MCUB: variants seen among roughly 807,000 people sequenced by gnomAD.
The protein encoded by MCUB is calcium uniporter regulatory subunit MCUb, mitochondrial.
Under a neutral mutation model 41.4 loss-of-function variants are expected in MCUB, and 46 were observed. That is an observed-to-expected ratio of 1.11 (90% CI 0.88 to 1.42). The LOEUF is 1.42. MCUB is among the 40% of genes most tolerant of loss of function. The pLI, the probability that MCUB is intolerant of heterozygous loss-of-function variation, is 0.00. For missense variants in MCUB, 403 were observed against 404.9 expected, an observed-to-expected ratio of 1.00 and a Z score of 0.04; for synonymous variants, 148 against 148.2, an observed-to-expected ratio of 1.00 and a Z score of 0.01.
At position 109,620,911 on chromosome 4, in the gene MCUB, T is replaced by TTC. The variant is rs1209253188; in HGVS notation, c.100-38100_100-38099insTC. 2.1e-3 allele frequency among the ~76,000 whole-genome samples: 322 copies of TTC among 151,072 alleles called. 1 individual carries two copies. Among genetic ancestry groups the TTC allele is most frequent in the Non-Finnish European group, 1.9e-3 (129 of 67,656 alleles). On this transcript the variant is annotated intron_variant, in intron 1 of 7. Coordinates refer to ENST00000394650, the MANE Select transcript of MCUB (RefSeq NM_017918.5). ...CAACATTCTTCTTCTTTTTTTTTTTTCCCCCAAGATGGAGTCTCTCTCTGT... is the reference window on the plus strand; with the variant it reads ...CAACATTCTTCTTCTTTTTTTTTTTTTCCCCCCAAGATGGAGTCTCTCTCTGT...
At chr4:109,644,413 G>A (rs533696097) in intron 1 of MCUB, among the ~76,000 whole-genome samples, 32 of 152,238 alleles carry the variant, frequency 2.1e-4, no homozygotes, top group African/African-American at 7.2e-4. Context: ...TCAACTAAAG[G>A]CTGATTGCTA....
At chr4:109,637,283 A>G (rs191265279) in intron 1 of MCUB, among the ~76,000 whole-genome samples, 3 of 152,340 alleles carry the variant, frequency 2.0e-5, no homozygotes, top group Non-Finnish European at 2.9e-5. Context: ...ATAAGGGAGC[A>G]GGGAAAGATG....
chr4:109,628,028 T>G (rs946648937), intron 1 of MCUB, among the ~76,000 whole-genome samples: 2 of 151,880 alleles, frequency 1.3e-5, no homozygotes, highest in African/African-American at 4.8e-5. Flanking sequence ...GAAATAAGAA[T>G]TAGGAAGATG....
chr4:109,682,873 A>C, intron 5 of MCUB, 131 bp downstream of exon 5: 2 of 631,814 alleles, frequency 3.2e-6, no homozygotes, highest in South Asian at 4.3e-5. Context: ...AAAAACCTGT[A>C]AGTTCAGTGC....
intron 4 of MCUB, among the ~76,000 whole-genome samples, chr4:109,670,896 C>A (rs1462396119): frequency 6.6e-6 from 1 of 152,004 alleles, no homozygotes; most frequent in Non-Finnish European, 1.5e-5. Context: ...CTATGGGACT[C>A]CCTGGAATGC....
intron 4 of MCUB, among the ~76,000 whole-genome samples, chr4:109,671,201 G>C (rs1376330375): frequency 6.6e-6 from 1 of 152,164 alleles, no homozygotes; most frequent in African/African-American, 2.4e-5. Context: ...CAGGAAACTG[G>C]AAGTCTTAAC....
At chr4:109,682,558 T>C in intron 4 of MCUB, 24 bp from the exon 5 acceptor site, 1 of 1,583,248 alleles carries the variant, frequency 6.3e-7, no homozygotes. Context: ...GTGACTGGCT[T>C]GTTTCCCTTG....
At chr4:109,591,026 C>T (rs964743572) in intron 1 of MCUB, among the ~76,000 whole-genome samples, 1 of 152,128 alleles carries the variant, frequency 6.6e-6, no homozygotes, top group Non-Finnish European at 1.5e-5. Flanking sequence ...CTGTGTAAAT[C>T]TCCTCTCAAT....
intron 4 of MCUB, among the ~76,000 whole-genome samples, chr4:109,679,991 G>A (rs1175947130): frequency 1.3e-5 from 2 of 152,084 alleles, no homozygotes; most frequent in African/African-American, 4.8e-5. Context: ...TAGTAGAGAC[G>A]GGGTTTCACC....
intron 1 of MCUB, among the ~76,000 whole-genome samples, chr4:109,655,071 A>T (rs1729059923): frequency 6.6e-6 from 1 of 152,092 alleles, no homozygotes. Context: ...CCCCTCCTCA[A>T]CCTCAGCTAT....
chr4:109,629,179 C>G (rs1191760867), intron 1 of MCUB, among the ~76,000 whole-genome samples: 1 of 151,956 alleles, frequency 6.6e-6, no homozygotes, highest in Non-Finnish European at 1.5e-5. Flanking sequence ...CTCTATCACC[C>G]AGGCTGGAGT....
chr4:109,629,519 T>C (rs1728430059), intron 1 of MCUB, among the ~76,000 whole-genome samples: 1 of 152,210 alleles, frequency 6.6e-6, no homozygotes, highest in South Asian at 2.1e-4. Flanking sequence ...TACCTGGAGA[T>C]AGCTTCCCAT....
chr4:109,657,272 AGAT>A (rs1256624905), intron 1 of MCUB, among the ~76,000 whole-genome samples: 2 of 151,998 alleles, frequency 1.3e-5, no homozygotes, highest in Non-Finnish European at 2.9e-5. Flanking sequence ...TTAATGTAAA[AGAT>A]GATGTTGTGT....
rs564450886 is a variant in MCUB at position 109,633,520 on chromosome 4, C to T, written c.100-25491C>T. Among the ~76,000 whole-genome samples the T allele has an allele frequency of 3.9e-5, 6 of 152,256 alleles. No homozygotes were observed. The East Asian group carries it at 7.7e-4, about 20-fold the overall frequency. ...TCCTGACCTCATAATCTGCATGCCTCGGCCTCCCAAAGTGCTGGGATTACA... is the reference window on the plus strand; with the variant it reads ...TCCTGACCTCATAATCTGCATGCCTTGGCCTCCCAAAGTGCTGGGATTACA... On this transcript the variant is annotated intron_variant, in intron 1 of 7. Transcript: ENST00000394650.
intron 1 of MCUB, among the ~76,000 whole-genome samples, chr4:109,650,117 A>T (rs1471394004): frequency 2.6e-5 from 4 of 152,202 alleles, no homozygotes; most frequent in Non-Finnish European, 5.9e-5. Flanking sequence ...GTAAACTAAA[A>T]GGAAGACCTG....
Position 109,628,574 on chromosome 4 carries a change from A to C in MCUB, c.100-30437A>C, listed in dbSNP as rs117336864. 5.6e-3 allele frequency among the ~76,000 whole-genome samples: 859 copies of C among 152,216 alleles called. 26 individuals carry two copies. In the East Asian group the frequency reaches 0.065, roughly 12 times the overall value. ...GACAGTGGAAATAAGAACAAATTTGATTGATTTGGAGTTTATTTTGAAAGC... is the reference window on the plus strand; with the variant it reads ...GACAGTGGAAATAAGAACAAATTTGCTTGATTTGGAGTTTATTTTGAAAGC... On this transcript the variant is annotated intron_variant, in intron 1 of 7. Coordinates refer to ENST00000394650, the MANE Select transcript of MCUB (RefSeq NM_017918.5).
intron 1 of MCUB, among the ~76,000 whole-genome samples, chr4:109,597,355 C>CG (rs1359793051): frequency 1.4e-5 from 2 of 142,556 alleles, no homozygotes; most frequent in African/African-American, 5.2e-5. Flanking sequence ...GCTGGCCGGG[C>CG]GGGGGGCTGA....
intron 1 of MCUB, among the ~76,000 whole-genome samples, chr4:109,566,278 G>C (rs901594639): frequency 1.3e-5 from 2 of 151,578 alleles, no homozygotes; most frequent in Non-Finnish European, 2.9e-5. Flanking sequence ...GACTATCCTG[G>C]CTAACACGGT....
chr4:109,563,550 T>C (rs1347979841), intron 1 of MCUB, among the ~76,000 whole-genome samples: 1 of 152,228 alleles, frequency 6.6e-6, no homozygotes, highest in East Asian at 1.9e-4. Context: ...TTGGTGATTG[T>C]ATTTACGCTA....
Sources: allele counts gnomAD v4.1 joint callset (sites outside exome capture counted in the v4.1 genomes callset), GRCh38; gene constraint gnomAD v4.1.1; transcripts MANE v1.5; gene names NCBI Gene and HGNC (gene_info 2026-07-23, HGNC 2026-07-21).